Variants in GLDC observed in about 807,000 individuals in gnomAD.
The protein encoded by GLDC is glycine dehydrogenase (decarboxylating), mitochondrial.
Under a neutral mutation model 121.3 loss-of-function variants are expected in GLDC, and 104 were observed. The ratio of observed to expected loss-of-function variants is 0.86; its 90% CI spans 0.73 to 1.01. GLDC has a LOEUF of 1.01. Among genes scored for constraint, GLDC ranks in the 50% least tolerant of loss-of-function variants. The pLI, the probability that GLDC is intolerant of heterozygous loss-of-function variation, is 0.00. For missense variants in GLDC, 1,429 were observed against 1,306.6 expected (o/e 1.09, Z -1.44); for synonymous variants, 546 against 480.6 (o/e 1.14, Z -1.78).
In GLDC at chr9:6,645,595, G is replaced by A; in HGVS notation, c.-96C>T. 2 of 907,244 alleles carry A rather than the reference G, an allele frequency of 2.2e-6. No homozygotes were observed. Among genetic ancestry groups the A allele is most frequent in the Non-Finnish European group, 2.9e-6 (2 of 696,352 alleles). 56.2% of individuals were successfully genotyped at this position (907,244 alleles called of 1,614,324 possible). ...GTCCCCCGGGTGGCGGCTGCGCCCGGCCTGGAGCCCCTTTCGCTGGACAGT... is the reference window on the plus strand; with the variant it reads ...GTCCCCCGGGTGGCGGCTGCGCCCGACCTGGAGCCCCTTTCGCTGGACAGT... On this transcript the variant is annotated 5_prime_UTR_variant, in exon 1 of 25. Coordinates refer to ENST00000321612, the MANE Select transcript of GLDC (RefSeq NM_000170.3).
chr9:6,554,095 A>T (rs1035904062), intron 19 of GLDC, among the ~76,000 whole-genome samples: 2 of 152,232 alleles, frequency 1.3e-5, no homozygotes, highest in Non-Finnish European at 2.9e-5. Flanking sequence ...CAGCTCAGGA[A>T]AACAGCTGCT....
chr9:6,596,371 A>C (rs1333400526), intron 8 of GLDC, among the ~76,000 whole-genome samples: 2 of 152,048 alleles, frequency 1.3e-5, no homozygotes, highest in African/African-American at 4.8e-5. Flanking sequence ...GGGCACTAGA[A>C]TATCAAAAGA....
intron 15 of GLDC, among the ~76,000 whole-genome samples, chr9:6,582,377 C>T (rs866332984): frequency 2.0e-5 from 3 of 150,788 alleles, no homozygotes; most frequent in Non-Finnish European, 2.9e-5. Flanking sequence ...AAAAATTTGC[C>T]GGCCACGGGG....
intron 21 of GLDC, among the ~76,000 whole-genome samples, chr9:6,543,458 AG>A (rs1817313359): frequency 6.6e-6 from 1 of 152,156 alleles, no homozygotes; most frequent in Non-Finnish European, 1.5e-5. Flanking sequence ...AATAGCTGAA[AG>A]GCACCGTCAA....
intron 15 of GLDC, among the ~76,000 whole-genome samples, chr9:6,586,286 A>T (rs1421347765): frequency 1.3e-5 from 2 of 152,008 alleles, no homozygotes; most frequent in Non-Finnish European, 2.9e-5. Context: ...CAAGAGCAAA[A>T]CTCCATCTAA....
chr9:6,634,481 A>T (rs1819457897), intron 2 of GLDC, among the ~76,000 whole-genome samples: 1 of 151,942 alleles, frequency 6.6e-6, no homozygotes, highest in Admixed American at 6.6e-5. Context: ...GTGAACTGAG[A>T]TCGCACCACC....
At chr9:6,556,622 G>C (rs1190430754) in intron 17 of GLDC, among the ~76,000 whole-genome samples, 1 of 152,076 alleles carries the variant, frequency 6.6e-6, no homozygotes, top group East Asian at 1.9e-4. Context: ...GTGAAACCCC[G>C]TCTCTACTAA....
intron 17 of GLDC, among the ~76,000 whole-genome samples, chr9:6,556,846 G>C (rs987521558): frequency 1.3e-5 from 2 of 152,024 alleles, no homozygotes; most frequent in African/African-American, 4.8e-5. Context: ...TTTCAGGCTA[G>C]GTCTCTATGG....
intron 2 of GLDC, chr9:6,622,765 C>G (rs1587974833): frequency 4.5e-6 from 1 of 223,168 alleles, no homozygotes; most frequent in African/African-American, 2.4e-5. Flanking sequence ...AGGAGCGTCT[C>G]TGCCCGGCCG....
intron 2 of GLDC, among the ~76,000 whole-genome samples, chr9:6,621,857 C>A (rs1211356694): frequency 6.6e-6 from 1 of 152,140 alleles, no homozygotes; most frequent in Admixed American, 6.5e-5. Flanking sequence ...TCATTTGGTT[C>A]TTTCTTTACC....
At chr9:6,562,802 C>G (rs1225567302) in intron 16 of GLDC, among the ~76,000 whole-genome samples, 1 of 151,908 alleles carries the variant, frequency 6.6e-6, no homozygotes, top group Non-Finnish European at 1.5e-5. Flanking sequence ...CTTAGGTGAT[C>G]TGCCTGCCTT....
chr9:6,638,838 G>A (rs777164106), intron 2 of GLDC, among the ~76,000 whole-genome samples: 10 of 151,832 alleles, frequency 6.6e-5, no homozygotes, highest in Non-Finnish European at 1.0e-4. Flanking sequence ...GTGAAACCCC[G>A]TCTCTACTAA....
chr9:6,562,840 C>CG (rs1554644486), intron 16 of GLDC, among the ~76,000 whole-genome samples: 1 of 152,226 alleles, frequency 6.6e-6, no homozygotes, highest in Non-Finnish European at 1.5e-5. Flanking sequence ...GGATTACAGG[C>CG]ATGAGCCACC....
At chr9:6,568,248 C>T (rs577552853) in intron 15 of GLDC, among the ~76,000 whole-genome samples, 2 of 152,242 alleles carry the variant, frequency 1.3e-5, no homozygotes, top group South Asian at 4.1e-4. Context: ...TATGTTTCAA[C>T]CCAAAAAGTG....
chr9:6,640,240 T>C (rs899595874), intron 2 of GLDC, among the ~76,000 whole-genome samples: 7 of 152,256 alleles, frequency 4.6e-5, no homozygotes, highest in Non-Finnish European at 1.0e-4. Context: ...TGGAAATTTA[T>C]TGGAATCATC....
intron 3 of GLDC, among the ~76,000 whole-genome samples, chr9:6,619,146 CAAAAAAA>C (rs1162280442): frequency 2.3e-3 from 137 of 60,642 alleles, no homozygotes; most frequent in African/African-American, 7.0e-3. Context: ...CTGTCTCAGG[CAAAAAAA>C]AAAAAAAAAA....
intron 2 of GLDC, 32 bp from the exon 3 acceptor site, chr9:6,620,351 CAGAT>C: frequency 6.3e-7 from 1 of 1,593,550 alleles, no homozygotes; most frequent in South Asian, 1.1e-5. Flanking sequence ...ATGTTACAGA[CAGAT>C]GTCTCAGAAA....
At chr9:6,554,614 C>T (rs999965197) in intron 19 of GLDC, 55 bp downstream of exon 19, 2 of 1,185,378 alleles carry the variant, frequency 1.7e-6, no homozygotes, top group Admixed American at 3.7e-5. Flanking sequence ...CTATTTAGGG[C>T]CACTCCTTCA....
At chr9:6,595,639 G>A (rs1563852736) in intron 8 of GLDC, among the ~76,000 whole-genome samples, 1 of 152,138 alleles carries the variant, frequency 6.6e-6, no homozygotes, top group Non-Finnish European at 1.5e-5. Context: ...GAGTTGAATG[G>A]AGAATCTGTG....
Sources: allele counts gnomAD v4.1 joint callset (sites outside exome capture counted in the v4.1 genomes callset), GRCh38; gene constraint gnomAD v4.1.1; transcripts MANE v1.5; gene names NCBI Gene and HGNC (gene_info 2026-07-23, HGNC 2026-07-21).